Variants in SLIT3 observed in about 807,000 individuals in gnomAD.
SLIT3 encodes slit guidance ligand 3, also known as slit homolog 3 protein.
A neutral mutation model predicts 184.0 loss-of-function variants in SLIT3; 68 were observed. The ratio of observed to expected loss-of-function variants is 0.37; its 90% CI spans 0.30 to 0.45. The LOEUF is 0.45. Among genes scored for constraint, SLIT3 ranks in the 20% least tolerant of loss-of-function variants. SLIT3 has a pLI of 1.00. For synonymous variants in SLIT3, 831 were observed against 828.6 expected (o/e 1.00, Z -0.05); for missense variants, 1,707 against 2,026.0 (o/e 0.84, Z 3.02).
intron 4 of SLIT3, among the ~76,000 whole-genome samples, chr5:169,117,785 G>A (rs1345830978): frequency 6.6e-6 from 1 of 152,174 alleles, no homozygotes; most frequent in Admixed American, 6.5e-5. Context: ...TCCTATACAA[G>A]GTGAGTGCCA....
At chr5:168,840,677 A>T (rs2974431) in intron 6 of SLIT3, among the ~76,000 whole-genome samples, 55,747 of 151,648 alleles carry the variant, frequency 0.37, 12,360 homozygotes, top group African/African-American at 0.63. Flanking sequence ...AATTACCAAA[A>T]GCATAGAACA....
chr5:168,696,864 G>T (rs147398894), intron 27 of SLIT3, among the ~76,000 whole-genome samples: 32 of 152,232 alleles, frequency 2.1e-4, no homozygotes, highest in Middle Eastern at 3.4e-3. Context: ...TCCTTTAAGT[G>T]ATTTTTTTAC....
chr5:169,211,041 T>C (rs1764249048), intron 3 of SLIT3, among the ~76,000 whole-genome samples: 1 of 152,108 alleles, frequency 6.6e-6, no homozygotes. Flanking sequence ...CATCAAAAAA[T>C]ATGCCTTTGA....
At chr5:169,221,874 C>T (rs1213266645) in intron 3 of SLIT3, among the ~76,000 whole-genome samples, 2 of 152,206 alleles carry the variant, frequency 1.3e-5, no homozygotes, top group Non-Finnish European at 2.9e-5. Context: ...GATTGCTTTA[C>T]ATCTTAATGA....
intron 5 of SLIT3, among the ~76,000 whole-genome samples, chr5:168,868,173 C>T (rs1759375693): frequency 6.6e-6 from 1 of 152,210 alleles, no homozygotes; most frequent in South Asian, 2.1e-4. Flanking sequence ...ACTCTGTGTG[C>T]ATCAATGAAG....
intron 4 of SLIT3, among the ~76,000 whole-genome samples, chr5:169,056,377 A>T (rs958428659): frequency 2.0e-5 from 3 of 152,194 alleles, no homozygotes; most frequent in African/African-American, 7.2e-5. Flanking sequence ...TTCCTTCTGC[A>T]GTCCATTAAA....
chr5:169,287,962 C>T (rs947521446), intron 1 of SLIT3, among the ~76,000 whole-genome samples: 3 of 152,180 alleles, frequency 2.0e-5, no homozygotes, highest in Non-Finnish European at 4.4e-5. Context: ...ATCGCCTACC[C>T]CATGCTTAGG....
chr5:168,922,572 G>A (rs968043639), intron 4 of SLIT3, among the ~76,000 whole-genome samples: 2 of 152,114 alleles, frequency 1.3e-5, no homozygotes, highest in African/African-American at 2.4e-5. Context: ...TAAGGAGTCT[G>A]CAAGGGGAAG....
intron 4 of SLIT3, among the ~76,000 whole-genome samples, chr5:168,954,722 G>C (rs1762763985): frequency 6.6e-6 from 1 of 152,150 alleles, no homozygotes; most frequent in Non-Finnish European, 1.5e-5. Context: ...ATTGGGGCCA[G>C]GCAGGTAAGG....
chr5:169,184,552 T>A (rs546180904), intron 4 of SLIT3, among the ~76,000 whole-genome samples: 8 of 152,332 alleles, frequency 5.3e-5, no homozygotes, highest in African/African-American at 1.9e-4. Flanking sequence ...ATGAGATCGA[T>A]GTTTCTTAAA....
At chr5:168,992,536 T>C (rs1271149523) in intron 4 of SLIT3, among the ~76,000 whole-genome samples, 2 of 152,246 alleles carry the variant, frequency 1.3e-5, no homozygotes, top group Admixed American at 6.5e-5. Flanking sequence ...TCAAACTCTT[T>C]TTTAAAGCAG....
chr5:168,726,216 T>C (rs181513817), intron 20 of SLIT3, among the ~76,000 whole-genome samples: 113 of 151,856 alleles, frequency 7.4e-4, no homozygotes, highest in African/African-American at 2.2e-3. Flanking sequence ...ATGCATTCAT[T>C]CATGCATGCA....
chr5:168,952,168 T>C (rs189827470), intron 4 of SLIT3, among the ~76,000 whole-genome samples: 1 of 152,192 alleles, frequency 6.6e-6, no homozygotes, highest in Non-Finnish European at 1.5e-5. Context: ...GCCTGTAATA[T>C]TTTAAAAGTG....
At chr5:169,085,153 A>G (rs947335790) in intron 4 of SLIT3, among the ~76,000 whole-genome samples, 5 of 152,052 alleles carry the variant, frequency 3.3e-5, no homozygotes, top group Admixed American at 6.6e-5. Flanking sequence ...CAGCCCTCCA[A>G]CTTCTACTGG....
At chr5:169,072,568 G>A (rs1332135254) in intron 4 of SLIT3, among the ~76,000 whole-genome samples, 1 of 152,208 alleles carries the variant, frequency 6.6e-6, no homozygotes, top group Admixed American at 6.5e-5. Flanking sequence ...GGATCAAACA[G>A]AGCCACCATG....
chr5:168,771,061 C>T (rs1755534873), intron 14 of SLIT3, among the ~76,000 whole-genome samples: 1 of 152,164 alleles, frequency 6.6e-6, no homozygotes, highest in South Asian at 2.1e-4. Context: ...ACCAAAGGGT[C>T]AAGGTTGGCA....
At position 168,709,177 on chromosome 5, in the gene SLIT3, C is replaced by G. The variant is rs115849408; in HGVS notation, c.2720-1077G>C. Among the ~76,000 whole-genome samples the G allele has an allele frequency of 4.5e-3, 678 of 151,572 alleles. 5 individuals carry two copies. The highest frequency in any genetic ancestry group is 0.015 in the African/African-American group (638 of 41,300). On this transcript the variant is annotated intron_variant, in intron 25 of 35. Coordinates refer to ENST00000519560, the MANE Select transcript of SLIT3 (RefSeq NM_003062.4). ...GTGGTGGTGCAATTTCGGCTCACAG[C>G]AACCTCCACCTCCTGGATTCAAGCA...
At chr5:169,090,463 T>A (rs1759535421) in intron 4 of SLIT3, among the ~76,000 whole-genome samples, 1 of 152,130 alleles carries the variant, frequency 6.6e-6, no homozygotes, top group African/African-American at 2.4e-5. Context: ...AAGAATGGGT[T>A]TGAGGCAAAC....
At chr5:168,875,454 T>C (rs1291702426) in intron 5 of SLIT3, among the ~76,000 whole-genome samples, 1 of 151,774 alleles carries the variant, frequency 6.6e-6, no homozygotes, top group Admixed American at 6.6e-5. Flanking sequence ...CAACATGGTG[T>C]AACACTGTCT....
Sources: allele counts gnomAD v4.1 joint callset (sites outside exome capture counted in the v4.1 genomes callset), GRCh38; gene constraint gnomAD v4.1.1; transcripts MANE v1.5; gene names NCBI Gene and HGNC (gene_info 2026-07-23, HGNC 2026-07-21).